The following UBE3A variants were observed in gnomAD, a reference collection of about 807,000 sequenced individuals.
UBE3A encodes the protein ubiquitin-protein ligase E3A.
UBE3A carries 6 observed loss-of-function variants against 83.4 expected under a neutral mutation model. The ratio of observed to expected loss-of-function variants is 0.07; its 90% CI spans 0.04 to 0.14. UBE3A has a LOEUF of 0.14. UBE3A is among the 10% of genes least tolerant of loss of function. The pLI, the probability that UBE3A is intolerant of heterozygous loss-of-function variation, is 1.00. For missense variants in UBE3A, 456 were observed against 1,036.1 expected (o/e 0.44, Z 7.69); for synonymous variants, 337 against 355.4 (o/e 0.95, Z 0.58).
intron 1 of UBE3A, among the ~76,000 whole-genome samples, chr15:25,426,493 A>G (rs1326445912): frequency 2.0e-5 from 3 of 152,350 alleles, no homozygotes; most frequent in South Asian, 2.1e-4. Flanking sequence ...GCAATATACT[A>G]AAAGAACTAA....
intron 4 of UBE3A, among the ~76,000 whole-genome samples, 198 bp downstream of exon 4, chr15:25,405,262 GT>G (rs2088216220): frequency 6.6e-6 from 1 of 152,084 alleles, no homozygotes; most frequent in Non-Finnish European, 1.5e-5. Context: ...TATCTATCTA[GT>G]AGTAGAAACC....
chr15:25,378,410 T>C (rs780808065), intron 4 of UBE3A, among the ~76,000 whole-genome samples: 7 of 152,134 alleles, frequency 4.6e-5, no homozygotes, highest in Non-Finnish European at 8.8e-5. Flanking sequence ...TCCCTTCAGT[T>C]CTAATTTTAA....
At chr15:25,350,299 T>TAA (rs34610959) in intron 11 of UBE3A, among the ~76,000 whole-genome samples, 44 of 143,030 alleles carry the variant, frequency 3.1e-4, no homozygotes, top group African/African-American at 6.4e-4. Flanking sequence ...TTTGTCTCTT[T>TAA]AAAAAAAAAA....
intron 4 of UBE3A, among the ~76,000 whole-genome samples, chr15:25,388,427 G>C (rs958833356): frequency 1.4e-4 from 22 of 152,104 alleles, no homozygotes; most frequent in Non-Finnish European, 3.1e-4. Flanking sequence ...ACCCACTCAT[G>C]ATAGAAACTA....
At chr15:25,378,788 GA>G (rs941635108) in intron 4 of UBE3A, among the ~76,000 whole-genome samples, 9 of 152,066 alleles carry the variant, frequency 5.9e-5, no homozygotes, top group South Asian at 2.1e-4. Context: ...GTGCAACTGG[GA>G]AAAAAATCTG....
chr15:25,340,972 G>T (rs989916939), intron 11 of UBE3A, among the ~76,000 whole-genome samples: 1 of 152,058 alleles, frequency 6.6e-6, no homozygotes, highest in Non-Finnish European at 1.5e-5. Flanking sequence ...GTTAGTTTGA[G>T]TTCTAAAAAA....
chr15:25,399,493 C>T (rs1040955503), intron 4 of UBE3A, among the ~76,000 whole-genome samples: 2 of 152,158 alleles, frequency 1.3e-5, no homozygotes, highest in Non-Finnish European at 2.9e-5. Context: ...TGCACCCTGT[C>T]CAAAATCAAC....
chr15:25,386,083 G>A (rs1457869007), intron 4 of UBE3A, among the ~76,000 whole-genome samples: 2 of 151,994 alleles, frequency 1.3e-5, no homozygotes, highest in African/African-American at 2.4e-5. Flanking sequence ...TGTGGGGGAA[G>A]AGAAATAACC....
At chr15:25,374,143 A>C (rs948668345) in intron 5 of UBE3A, 1 of 152,226 alleles carries the variant, frequency 6.6e-6, no homozygotes, top group Non-Finnish European at 1.5e-5. Flanking sequence ...AACAAAAACA[A>C]AAAAACCAGT....
intron 1 of UBE3A, chr15:25,437,964 G>A (rs1027447861): frequency 2.6e-5 from 4 of 152,322 alleles, no homozygotes; most frequent in African/African-American, 9.6e-5. Context: ...CGGTAACACA[G>A]AGTAACCTGT....
chr15:25,360,363 C>CTA lies in UBE3A; in HGVS notation c.1753+19_1753+20insTA. 1 of 1,613,218 alleles carries CTA rather than the reference C, an allele frequency of 6.2e-7. No individual in the cohort carries two copies. Among genetic ancestry groups the CTA allele is most frequent in the Non-Finnish European group, 8.5e-7 (1 of 1,179,772 alleles). On this transcript the variant is annotated intron_variant, in intron 7 of 12. Coordinates refer to ENST00000648336, the MANE Select transcript of UBE3A (RefSeq NM_130839.5). ...TCAAAAGATGATACGACACCATAAT[C>CTA]ACATTACTAATGTATTTACCAATAT...
rs773112531 is a variant in UBE3A at position 25,375,447 on chromosome 15, G to A, written c.361+18C>T. ...GGTTTTCAGGCAACAATTCTCAATT[G>A]AAAATAAAACATCTTACCTTTAAAA... On this transcript the variant is annotated intron_variant, in intron 5 of 12. Transcript: ENST00000648336. 2 of 1,612,554 alleles carry A rather than the reference G, an allele frequency of 1.2e-6. No homozygotes were observed. The highest frequency in any genetic ancestry group is 2.2e-5 in the South Asian group (2 of 90,900).
At chr15:25,431,800 C>T (rs1280994666) in intron 1 of UBE3A, among the ~76,000 whole-genome samples, 1 of 151,948 alleles carries the variant, frequency 6.6e-6, no homozygotes, top group African/African-American at 2.4e-5. Context: ...TTTTCAATTC[C>T]CAAAACAAAA....
intron 6 of UBE3A, among the ~76,000 whole-genome samples, chr15:25,369,052 T>C (rs1039385669): frequency 4.6e-5 from 7 of 152,120 alleles, no homozygotes; most frequent in East Asian, 1.9e-4. Context: ...CAACAATGGA[T>C]AGTCATAGAC....
chr15:25,434,710 A>T (rs1339177150), intron 1 of UBE3A, among the ~76,000 whole-genome samples: 2 of 152,192 alleles, frequency 1.3e-5, no homozygotes, highest in African/African-American at 4.8e-5. Context: ...AACATGTGCC[A>T]ATGTGTGCAG....
chr15:25,403,616 A>G (rs2087715161), intron 4 of UBE3A, among the ~76,000 whole-genome samples: 1 of 152,306 alleles, frequency 6.6e-6, no homozygotes, highest in Middle Eastern at 3.4e-3. Context: ...TGGGAAAACA[A>G]TTCAAAGCAG....
At chr15:25,433,390 G>C (rs1461940971) in intron 1 of UBE3A, among the ~76,000 whole-genome samples, 2 of 152,072 alleles carry the variant, frequency 1.3e-5, no homozygotes, top group African/African-American at 4.8e-5. Flanking sequence ...GTTTCACCGT[G>C]TTGGCCAGGA....
At chr15:25,357,901 G>GC (rs1251303597) in intron 7 of UBE3A, among the ~76,000 whole-genome samples, 43 of 132,912 alleles carry the variant, frequency 3.2e-4, no homozygotes, top group African/African-American at 1.2e-3. Context: ...AATCATGGAG[G>GC]CTTTTTTTTT....
At chr15:25,390,693 T>C (rs1397765256) in intron 4 of UBE3A, among the ~76,000 whole-genome samples, 1 of 152,060 alleles carries the variant, frequency 6.6e-6, no homozygotes, top group South Asian at 2.1e-4. Flanking sequence ...CTGTATGATA[T>C]AATGGTAGAT....
Sources: allele counts gnomAD v4.1 joint callset (sites outside exome capture counted in the v4.1 genomes callset), GRCh38; gene constraint gnomAD v4.1.1; transcripts MANE v1.5; gene names NCBI Gene and HGNC (gene_info 2026-07-23, HGNC 2026-07-21).